Variants in ADAM21 observed in about 807,000 individuals in gnomAD.
The protein encoded by ADAM21 is ADAM metallopeptidase domain 21.
For synonymous variants in ADAM21, 262 were observed against 306.0 expected, an observed-to-expected ratio of 0.86 and a Z score of 1.50; for missense variants, 678 against 874.4, an observed-to-expected ratio of 0.78 and a Z score of 2.83.
chr14:70,458,663 A>G lies in ADAM21; in HGVS notation c.1164A>G (p.Leu388=), dbSNP rs970927015. The change falls in exon 2 of 2, where the codon TTA becomes TTG. Residue 388 remains leucine, a synonymous_variant. Coordinates refer to ENST00000603540, the MANE Select transcript of ADAM21 (RefSeq NM_003813.4). Reference sequence around the variant, plus strand: ...ACGCTGATTTTATGAAGACCACCTTAAACCAGGGATCATGTCTGCATAATC... The same window carrying G: ...ACGCTGATTTTATGAAGACCACCTTGAACCAGGGATCATGTCTGCATAATC... ...CSYADFMKTT[L]NQGSCLHNPP... The G allele has an allele frequency of 1.2e-6, 2 of 1,613,882 alleles. No homozygotes were observed. Among genetic ancestry groups the G allele is most frequent in the Non-Finnish European group, 1.7e-6 (2 of 1,180,006 alleles).
At position 70,457,939 on chromosome 14, in the gene ADAM21, C is replaced by T. The variant is rs1446051776; in HGVS notation, c.440C>T (p.Pro147Leu). 6.2e-7 allele frequency: 1 copy of T among 1,614,012 alleles called. No homozygotes were observed. Among genetic ancestry groups the T allele is most frequent in the East Asian group, 2.2e-5 (1 of 44,870 alleles). ...KISGLTYEIE[P>L]IRHSATFEHL... Reference sequence around the variant, plus strand: ...AGTGGCCTCACTTATGAAATTGAACCCATCAGGCACTCTGCCACATTTGAA... The same window carrying T: ...AGTGGCCTCACTTATGAAATTGAACTCATCAGGCACTCTGCCACATTTGAA... Residue 147 changes from proline to leucine, a missense_variant, in exon 2 of 2, where the codon CCC becomes CTC. Transcript: ENST00000603540.
chr14:70,456,797 A>C (rs17567627), intron 1 of ADAM21, among the ~76,000 whole-genome samples: 49,473 of 152,124 alleles, frequency 0.33, 10,200 homozygotes, highest in Non-Finnish European at 0.43. Flanking sequence ...GGATACTAAA[A>C]TGAACGAAAA....
intron 1 of ADAM21, 98 bp from the exon 2 acceptor site, chr14:70,457,251 T>C (rs1882426484): frequency 4.3e-6 from 2 of 462,616 alleles, no homozygotes; most frequent in South Asian, 6.0e-5. Context: ...CAAAGCATTT[T>C]CTTGATTCAT....
At chr14:70,455,575 A>T (rs1299627994) in intron 1 of ADAM21, among the ~76,000 whole-genome samples, 1 of 152,194 alleles carries the variant, frequency 6.6e-6, no homozygotes, top group Non-Finnish European at 1.5e-5. Flanking sequence ...TCCCCTCAGT[A>T]TTACATTAAT....
chr14:70,455,393 T>A (rs1889090500), intron 1 of ADAM21, among the ~76,000 whole-genome samples: 1 of 152,180 alleles, frequency 6.6e-6, no homozygotes, highest in African/African-American at 2.4e-5. Flanking sequence ...GAAATTAAGT[T>A]TTTGGGCCTG....
In ADAM21 at chr14:70,457,534, T is replaced by A. The variant is rs769060281; in HGVS notation, c.35T>A (p.Val12Asp). ...AVDGTLVYIR[V>D]TLLLLWLGVF... Reference sequence around the variant, plus strand: ...GATGGGACCCTCGTGTACATCAGAGTCACTCTTCTGCTGCTCTGGCTTGGG... The same window carrying A: ...GATGGGACCCTCGTGTACATCAGAGACACTCTTCTGCTGCTCTGGCTTGGG... Residue 12 changes from valine (V) to aspartate (D), a missense_variant, in exon 2 of 2, where the codon GTC becomes GAC. Coordinates refer to ENST00000603540, the MANE Select transcript of ADAM21 (RefSeq NM_003813.4). The A allele has an allele frequency of 6.2e-7, 1 of 1,601,116 alleles. No homozygotes were observed. The highest frequency in any genetic ancestry group is 8.5e-7 in the Non-Finnish European group (1 of 1,174,418).
chr14:70,456,080 T>C (rs1882396311), intron 1 of ADAM21, among the ~76,000 whole-genome samples: 1 of 152,132 alleles, frequency 6.6e-6, no homozygotes, highest in Admixed American at 6.5e-5. Flanking sequence ...TGCTCAGTGC[T>C]TACTAGCCTC....
chr14:70,458,989 G>C lies in ADAM21; in HGVS notation c.1490G>C (p.Ser497Thr). The change falls in exon 2 of 2, where the codon AGT becomes ACT. Residue 497 changes from serine to threonine, a missense_variant. Physicochemically the swap from Ser to Thr is moderately conservative, Grantham distance 58 (BLOSUM62 1). Coordinates refer to ENST00000603540, the MANE Select transcript of ADAM21 (RefSeq NM_003813.4). ...TATGTGCAGGACGGGATCCCCTGTA[G>C]TGACAGTGCCTACTGCTATCAAAAG... ...DRYVQDGIPC[S>T]DSAYCYQKRC... is the part of the protein sequence containing the mutation. 3 of 1,614,108 alleles carry C rather than the reference G, an allele frequency of 1.9e-6. No individual in the cohort carries two copies. The highest frequency in any genetic ancestry group is 2.5e-6 in the Non-Finnish European group (3 of 1,180,014).
rs545794842 is a variant in ADAM21 at position 70,456,863 on chromosome 14, A to C, written c.-151-486A>C. 2.7e-4 allele frequency among the ~76,000 whole-genome samples: 41 copies of C among 152,362 alleles called. No individual in the cohort carries two copies. In the South Asian group the frequency reaches 3.9e-3, roughly 15 times the overall value. On this transcript the variant is annotated intron_variant, in intron 1 of 1. Coordinates refer to ENST00000603540, the MANE Select transcript of ADAM21 (RefSeq NM_003813.4). ...TCTAATGAAGTTATGAGTAAAGATG[A>C]ATACAATGAGGAATAGTAAATAACT...
rs373615878 is a variant in ADAM21 at position 70,459,119 on chromosome 14, T to C, written c.1620T>C (p.Phe540=). The C allele has an allele frequency of 7.9e-5, 128 of 1,612,216 alleles. No homozygotes were observed. Among genetic ancestry groups the C allele is most frequent in the Non-Finnish European group, 1.0e-4 (120 of 1,179,014 alleles). The change falls in exon 2 of 2, where the codon TTT becomes TTC. Residue 540 remains phenylalanine (F), a synonymous_variant. Transcript: ENST00000603540. ...AAATCAATTCTCAGGGAAACCGTTT[T>C]GGTCACTGTGGTATAAATGGCACAA... The part of the protein sequence containing the change: ...YKEINSQGNR[F]GHCGINGTTY...
chr14:70,457,292 C>T (rs986530169), intron 1 of ADAM21, 57 bp from the exon 2 acceptor site: 3 of 630,920 alleles, frequency 4.8e-6, no homozygotes, highest in East Asian at 3.2e-5. Flanking sequence ...CATTCTTTTT[C>T]TCTCCTGATT....
At chr14:70,453,912 T>C (rs1889072090) in intron 1 of ADAM21, among the ~76,000 whole-genome samples, 1 of 152,168 alleles carries the variant, frequency 6.6e-6, no homozygotes, top group African/African-American at 2.4e-5. Flanking sequence ...TTTAAGCAAG[T>C]TAATGGCAAG....
In ADAM21 at chr14:70,457,344, T is replaced by A; in HGVS notation, c.-151-5T>A. 1.8e-6 allele frequency: 2 copies of A among 1,093,294 alleles called. No individual in the cohort carries two copies. The highest frequency in any genetic ancestry group is 2.6e-6 in the Non-Finnish European group (2 of 762,308). The allele number at this position is 1,093,294 out of a possible 1,614,324, so 67.7% of individuals were successfully genotyped here. ...TCCAACCCATCTTTTTATTTTTACT[T>A]CCAGCACTGCAGTTCTGATCTAACT... On this transcript the variant is annotated splice_polypyrimidine_tract_variant and splice_region_variant and intron_variant, in intron 1 of 1. Transcript: ENST00000603540.
intron 1 of ADAM21, among the ~76,000 whole-genome samples, chr14:70,453,831 T>C (rs2139482860): frequency 6.6e-6 from 1 of 152,346 alleles, no homozygotes; most frequent in East Asian, 1.9e-4. Context: ...TTCTCTTCCA[T>C]GCTACTTGCA....
chr14:70,458,881 G>A lies in ADAM21; in HGVS notation c.1382G>A (p.Gly461Glu). 1 of 1,614,114 alleles carries A rather than the reference G, an allele frequency of 6.2e-7. No individual in the cohort carries two copies. The highest frequency in any genetic ancestry group is 8.5e-7 in the Non-Finnish European group (1 of 1,180,030). ...CCKDCKFMPS[G>E]ELCRQEVNEC... is the part of the protein sequence containing the mutation. ...AAAGACTGCAAGTTCATGCCATCAG[G>A]GGAACTCTGTAGACAAGAGGTCAAT... is the stretch of plus-strand genomic sequence containing the variant. Residue 461 changes from glycine (G) to glutamate (E), a missense_variant, in exon 2 of 2, where the codon GGG becomes GAG. Coordinates refer to ENST00000603540, the MANE Select transcript of ADAM21 (RefSeq NM_003813.4).
At position 70,458,504 on chromosome 14, in the gene ADAM21, T is replaced by A; in HGVS notation, c.1005T>A (p.Phe335Leu). Residue 335 changes from phenylalanine (F) to leucine (L), a missense_variant, in exon 2 of 2, where the codon TTT becomes TTA. Physicochemically the swap from Phe to Leu is conservative, Grantham distance 22 (BLOSUM62 0). Coordinates refer to ENST00000603540, the MANE Select transcript of ADAM21 (RefSeq NM_003813.4). ...DNFQGDTWSLFANTVAHELGH... is the reference protein window; with the variant it reads ...DNFQGDTWSLLANTVAHELGH... Reference sequence around the variant, plus strand: ...TTCAAGGAGATACCTGGTCTCTTTTTGCCAACACTGTGGCCCATGAGTTAG... The same window carrying A: ...TTCAAGGAGATACCTGGTCTCTTTTAGCCAACACTGTGGCCCATGAGTTAG... 6.2e-7 allele frequency: 1 copy of A among 1,613,766 alleles called. No individual in the cohort carries two copies. Among genetic ancestry groups the A allele is most frequent in the Non-Finnish European group, 8.5e-7 (1 of 1,179,936 alleles).
rs142273524 is a variant in ADAM21, at chr14:70,459,602, C to A, written c.2103C>A (p.Val701=). 2 of 1,614,034 alleles carry A rather than the reference C, an allele frequency of 1.2e-6. No individual in the cohort carries two copies. The highest frequency in any genetic ancestry group is 4.5e-5 in the East Asian group (2 of 44,904). The part of the protein sequence containing the change: ...SLSVLTFLFT[V]GLLMYLRQCS... Reference sequence around the variant, plus strand: ...CTGTTTTGACTTTCCTGTTTACTGTCGGGCTTCTTATGTATCTACGACAAT... The same window carrying A: ...CTGTTTTGACTTTCCTGTTTACTGTAGGGCTTCTTATGTATCTACGACAAT... Residue 701 remains valine (V), a synonymous_variant, in exon 2 of 2, where the codon GTC becomes GTA. Coordinates refer to ENST00000603540, the MANE Select transcript of ADAM21 (RefSeq NM_003813.4).
At chr14:70,454,650 G>A (rs766448575) in intron 1 of ADAM21, among the ~76,000 whole-genome samples, 62 of 152,286 alleles carry the variant, frequency 4.1e-4, no homozygotes, top group Non-Finnish European at 7.4e-5. Context: ...TTTTTTGTGT[G>A]TTGACAAGGT....
In ADAM21 at chr14:70,459,793, C is replaced by A; in HGVS notation, c.*125C>A. ...TTTCCAGAAAGCTGCAAAGATCTTC[C>A]CTTACATTAGTACCACAAACATTGT... is the stretch of plus-strand genomic sequence containing the variant. On this transcript the variant is annotated 3_prime_UTR_variant, in exon 2 of 2. Coordinates refer to ENST00000603540, the MANE Select transcript of ADAM21 (RefSeq NM_003813.4). 1 of 1,145,554 alleles carries A rather than the reference C, an allele frequency of 8.7e-7. No individual in the cohort carries two copies. Among genetic ancestry groups the A allele is most frequent in the Non-Finnish European group, 1.2e-6 (1 of 809,246 alleles). The allele number at this position is 1,145,554 out of a possible 1,614,324, so 71.0% of individuals were successfully genotyped here. A position where few individuals can be genotyped will look rare whatever the true frequency, so the allele number is the denominator to read the frequency against.
Sources: allele counts gnomAD v4.1 joint callset (sites outside exome capture counted in the v4.1 genomes callset), GRCh38; gene constraint gnomAD v4.1.1; transcripts MANE v1.5; gene names NCBI Gene and HGNC (gene_info 2026-07-23, HGNC 2026-07-21).